The following EML4 variants were observed in gnomAD, a reference collection of about 807,000 sequenced individuals.
The protein encoded by EML4 is EMAP like 4.
A neutral mutation model predicts 129.0 loss-of-function variants in EML4; 72 were observed. That is an observed-to-expected ratio of 0.56 (90% CI 0.46 to 0.68). The LOEUF (loss-of-function observed/expected upper bound fraction) is 0.68, where lower values mean the gene tolerates loss of function less well. Ranked by LOEUF, EML4 falls within the 30% of genes least tolerant of loss-of-function variation. The pLI is 0.00. For synonymous variants in EML4, 532 were observed against 405.0 expected (o/e 1.31, Z -3.77); for missense variants, 1,363 against 1,190.6 (o/e 1.14, Z -2.13).
intron 13 of EML4, 107 bp from the exon 14 acceptor site, chr2:42,301,134 A>C: frequency 2.1e-6 from 2 of 942,388 alleles, no homozygotes; most frequent in Non-Finnish European, 3.2e-6. Flanking sequence ...GAGTCATATG[A>C]ACTTTCTGAT....
intron 18 of EML4, 39 bp from the exon 19 acceptor site, chr2:42,317,388 G>C: frequency 1.6e-6 from 2 of 1,233,538 alleles, no homozygotes; most frequent in South Asian, 1.3e-5. Flanking sequence ...AAATTTATCA[G>C]TATATTTCTC....
At chr2:42,180,212 CT>C (rs768936046) in intron 1 of EML4, among the ~76,000 whole-genome samples, 7 of 152,178 alleles carry the variant, frequency 4.6e-5, no homozygotes, top group Non-Finnish European at 7.3e-5. Context: ...TGAGATAAAA[CT>C]GCGGCTCCAA....
intron 1 of EML4, among the ~76,000 whole-genome samples, chr2:42,181,836 A>T (rs1018716752): frequency 6.6e-6 from 1 of 152,084 alleles, no homozygotes; most frequent in African/African-American, 2.4e-5. Flanking sequence ...TAGTTCTTTT[A>T]TGGAGAAAGG....
intron 1 of EML4, among the ~76,000 whole-genome samples, chr2:42,220,602 T>C (rs1477451941): frequency 6.6e-6 from 1 of 152,142 alleles, no homozygotes; most frequent in Admixed American, 6.5e-5. Flanking sequence ...GGCCAGTTAA[T>C]AATCCTACAA....
intron 19 of EML4, among the ~76,000 whole-genome samples, chr2:42,321,822 G>A (rs1669538767): frequency 6.6e-6 from 1 of 152,132 alleles, no homozygotes; most frequent in African/African-American, 2.4e-5. Context: ...GAGAAAAAAT[G>A]CATTCACAAT....
intron 19 of EML4, among the ~76,000 whole-genome samples, chr2:42,319,239 A>G (rs972756985): frequency 1.3e-5 from 2 of 152,140 alleles, no homozygotes; most frequent in Non-Finnish European, 2.9e-5. Flanking sequence ...ATGTACAGTA[A>G]TGCCTCAGGT....
chr2:42,183,418 ATGG>A (rs746035796), intron 1 of EML4, among the ~76,000 whole-genome samples: 11 of 152,198 alleles, frequency 7.2e-5, no homozygotes, highest in Non-Finnish European at 1.3e-4. Flanking sequence ...TTTTTCTTAG[ATGG>A]TGGTGATACA....
In EML4 at chr2:42,306,484, C is replaced by CTTTTTTTTTTTTTTTTTTTTTTTTTT. The variant is rs375707062; in HGVS notation, c.1967+1934_1967+1959dup. 2.8e-4 allele frequency among the ~76,000 whole-genome samples: 21 copies of CTTTTTTTTTTTTTTTTTTTTTTTTTT among 74,602 alleles called. 5 individuals are homozygous for CTTTTTTTTTTTTTTTTTTTTTTTTTT. Among genetic ancestry groups the CTTTTTTTTTTTTTTTTTTTTTTTTTT allele is most frequent in the East Asian group, 2.8e-3 (5 of 1,790 alleles). 48.9% of individuals were successfully genotyped at this position (74,602 alleles called of 152,430 possible). ...GTGTCTGATGACCTTGTGCTAAATC[C>CTTTTTTTTTTTTTTTTTTTTTTTTTT]TTTTTTTTTTTTTTTTTTTTTTTTT... On this transcript the variant is annotated intron_variant, in intron 17 of 22. Coordinates refer to ENST00000318522, the MANE Select transcript of EML4 (RefSeq NM_019063.5).
rs567154800 is a variant in EML4, at chr2:42,272,593, A to G, written c.667+7862A>G. ...CCACTGTGCCCGGCCTGGACAGCAC[A>G]GATTTCTAACTATGAAAATATTTCA... On this transcript the variant is annotated intron_variant, in intron 6 of 22. Coordinates refer to ENST00000318522, the MANE Select transcript of EML4 (RefSeq NM_019063.5). Among the ~76,000 whole-genome samples, 3 of 152,326 alleles carry G rather than the reference A, an allele frequency of 2.0e-5. No individual in the cohort carries two copies. The South Asian group carries it at 6.2e-4, about 32-fold the overall frequency.
chr2:42,192,393 CCAT>C (rs1671647260), intron 1 of EML4, among the ~76,000 whole-genome samples: 1 of 151,840 alleles, frequency 6.6e-6, no homozygotes, highest in African/African-American at 2.4e-5. Context: ...GCACCCACCA[CCAT>C]GCCTGGGTAA....
chr2:42,263,164 A>G lies in EML4; in HGVS notation c.513-14A>G. On this transcript the variant is annotated splice_polypyrimidine_tract_variant and intron_variant, in intron 4 of 22. Transcript: ENST00000318522. ...ACTCAGAATTTTTCTCTAAGAAATT[A>G]ATGTTCCTTCTAGCATAAAACGACC... 6.3e-7 allele frequency: 1 copy of G among 1,598,552 alleles called. No individual in the cohort carries two copies. The highest frequency in any genetic ancestry group is 1.1e-5 in the South Asian group (1 of 87,926).
chr2:42,253,078 T>C (rs1388252253), intron 2 of EML4, among the ~76,000 whole-genome samples: 1 of 152,076 alleles, frequency 6.6e-6, no homozygotes. Flanking sequence ...CAAGCAGAGG[T>C]GACTAGCATA....
At chr2:42,203,064 C>G (rs1247224460) in intron 1 of EML4, among the ~76,000 whole-genome samples, 1 of 151,954 alleles carries the variant, frequency 6.6e-6, no homozygotes, top group Non-Finnish European at 1.5e-5. Flanking sequence ...TTACATATTT[C>G]AAAATAGAAT....
intron 1 of EML4, among the ~76,000 whole-genome samples, chr2:42,208,788 T>C (rs1672713623): frequency 8.0e-6 from 1 of 125,666 alleles, no homozygotes; most frequent in Admixed American, 7.6e-5. Context: ...GGTCTCGTTC[T>C]GTCTGGCTTT....
intron 6 of EML4, among the ~76,000 whole-genome samples, chr2:42,266,079 T>G (rs1307446495): frequency 6.6e-6 from 1 of 152,246 alleles, no homozygotes; most frequent in East Asian, 1.9e-4. Flanking sequence ...AGCTGCAACG[T>G]GGTTAAAGCT....
chr2:42,298,277 C>T (rs762755223), intron 13 of EML4, among the ~76,000 whole-genome samples: 22 of 152,142 alleles, frequency 1.4e-4, no homozygotes, highest in Non-Finnish European at 2.8e-4. Context: ...CTTTATTTGG[C>T]AGGCAGTGTA....
intron 1 of EML4, 61 bp downstream of exon 1, chr2:42,169,697 A>C: frequency 6.4e-7 from 1 of 1,573,918 alleles, no homozygotes; most frequent in Non-Finnish European, 8.6e-7. Context: ...TTCCTTCCGC[A>C]CACAGCCCAG....
At chr2:42,297,614 G>A (rs1057441007) in intron 13 of EML4, among the ~76,000 whole-genome samples, 1 of 152,134 alleles carries the variant, frequency 6.6e-6, no homozygotes, top group East Asian at 1.9e-4. Flanking sequence ...GGTGAGCGCA[G>A]TGAAATAAAT....
In EML4 at chr2:42,325,573, A is replaced by T. The variant is rs763105452; in HGVS notation, c.2242+19A>T. 7.0e-4 allele frequency: 247 copies of T among 354,286 alleles called. 2 individuals are homozygous for T. Among genetic ancestry groups the T allele is most frequent in the Non-Finnish European group, 1.1e-3 (220 of 199,610 alleles). The allele number at this position is 354,286 out of a possible 1,614,324, so 21.9% of individuals were successfully genotyped here. A position where few individuals can be genotyped will look rare whatever the true frequency, so the allele number is the denominator to read the frequency against. On this transcript the variant is annotated intron_variant, in intron 20 of 22. Transcript: ENST00000318522. ...TTGTACTGTAAGTATGAATGATTTT[A>T]TATATATATATATATGCTATGATTA...
Sources: gnomAD v4.1 joint callset for allele counts (sites outside exome capture counted in the v4.1 genomes callset) on GRCh38, gnomAD v4.1.1 for gene constraint, MANE v1.5 for transcripts, NCBI Gene and HGNC (gene_info 2026-07-23, HGNC 2026-07-21) for gene names.